UPP2: variants seen among roughly 807,000 people sequenced by gnomAD.
UPP2 encodes UPase 2.
Under a neutral mutation model 26.7 loss-of-function variants are expected in UPP2, and 23 were observed. The ratio of observed to expected loss-of-function variants is 0.86; its 90% CI spans 0.62 to 1.22. UPP2 has a LOEUF of 1.22. Among genes scored for constraint, UPP2 ranks in the 50% most tolerant of loss-of-function variants. The pLI, the probability that UPP2 is intolerant of heterozygous loss-of-function variation, is 0.00. For synonymous variants in UPP2, 127 were observed against 141.3 expected (o/e 0.90, Z 0.72); for missense variants, 387 against 396.7 (o/e 0.98, Z 0.21).
intron 2 of UPP2, among the ~76,000 whole-genome samples, chr2:157,999,022 T>C (rs1683365227): frequency 1.3e-5 from 2 of 152,212 alleles, no homozygotes; most frequent in East Asian, 1.9e-4. Flanking sequence ...TTTTCAGTCA[T>C]TTTTTATCTG....
In UPP2 at chr2:158,115,125, A is replaced by G; in HGVS notation, c.205A>G (p.Asn69Asp). 6.2e-7 allele frequency: 1 copy of G among 1,611,282 alleles called. No individual in the cohort carries two copies. Reference protein sequence around the residue: ...VKFVCVGGSPNRMKAFALFMH... With the variant: ...VKFVCVGGSPDRMKAFALFMH... ...GTTTGTCTGTGTCGGTGGGAGCCCC[A>G]ACAGAATGAAAGCATTTGCACTGTT... The change falls in exon 3 of 7, where the codon AAC (asparagine) becomes GAC (aspartate). Residue 69 changes from asparagine (N) to aspartate (D), a missense_variant. By Grantham distance (23) the Asn-to-Asp change is conservative. Coordinates refer to ENST00000005756, the MANE Select transcript of UPP2 (RefSeq NM_173355.4).
At chr2:158,030,121 G>A (rs1044009154) in intron 3 of UPP2, among the ~76,000 whole-genome samples, 3 of 152,154 alleles carry the variant, frequency 2.0e-5, no homozygotes, top group Non-Finnish European at 4.4e-5. Context: ...AAAAAGTGCT[G>A]TATGTCAAAC....
At chr2:158,096,586 A>G (rs1682989624) in intron 3 of UPP2, among the ~76,000 whole-genome samples, 1 of 151,962 alleles carries the variant, frequency 6.6e-6, no homozygotes, top group Non-Finnish European at 1.5e-5. Flanking sequence ...CTGACAGAGC[A>G]AGACTCTGTC....
At chr2:158,069,839 AG>A (rs1449398241) in intron 3 of UPP2, among the ~76,000 whole-genome samples, 11 of 152,204 alleles carry the variant, frequency 7.2e-5, no homozygotes, top group Admixed American at 5.9e-4. Context: ...GGAGGCTGGA[AG>A]TTTGAGATCA....
chr2:158,055,826 T>G (rs1429520752), intron 3 of UPP2, among the ~76,000 whole-genome samples: 1 of 152,184 alleles, frequency 6.6e-6, no homozygotes, highest in Non-Finnish European at 1.5e-5. Context: ...GCCAGCCATT[T>G]AAGCTTAAAA....
At chr2:158,104,537 T>C (rs1411868622) in intron 1 of UPP2, among the ~76,000 whole-genome samples, 1 of 152,156 alleles carries the variant, frequency 6.6e-6, no homozygotes, top group African/African-American at 2.4e-5. Flanking sequence ...TAAAGCTCCC[T>C]GGTAATTTTA....
chr2:158,063,596 CT>C (rs1299338986), intron 3 of UPP2, among the ~76,000 whole-genome samples: 27 of 63,314 alleles, frequency 4.3e-4, no homozygotes, highest in African/African-American at 2.6e-3. Flanking sequence ...CCACCATTTT[CT>C]TTTCTTTTTT....
intron 3 of UPP2, among the ~76,000 whole-genome samples, chr2:158,073,089 G>C (rs548947905): frequency 6.6e-6 from 1 of 152,230 alleles, no homozygotes; most frequent in East Asian, 1.9e-4. Context: ...AGGTAACAAA[G>C]AGAAGGAATT....
intron 3 of UPP2, among the ~76,000 whole-genome samples, chr2:158,068,525 C>T (rs1170638825): frequency 6.6e-6 from 1 of 151,642 alleles, no homozygotes; most frequent in Non-Finnish European, 1.5e-5. Flanking sequence ...TATTACCTCC[C>T]CCGCTGTTCT....
chr2:158,049,066 G>A (rs370006730), intron 3 of UPP2, among the ~76,000 whole-genome samples: 7 of 152,256 alleles, frequency 4.6e-5, no homozygotes, highest in East Asian at 3.9e-4. Flanking sequence ...CAGACATTCC[G>A]CTTGCCCACC....
chr2:158,133,846 T>A (rs184049326), intron 6 of UPP2: 1 of 152,334 alleles, frequency 6.6e-6, no homozygotes, highest in Admixed American at 6.5e-5. Context: ...AAATCCTTTT[T>A]TAAATGATGC....
At chr2:158,130,020 G>C (rs1558942617) in intron 6 of UPP2, among the ~76,000 whole-genome samples, 1 of 151,980 alleles carries the variant, frequency 6.6e-6, no homozygotes, top group South Asian at 2.1e-4. Context: ...AACTCCTAGG[G>C]TTCAAGCAAT....
intron 3 of UPP2, among the ~76,000 whole-genome samples, chr2:158,079,516 G>A (rs930812065): frequency 6.6e-6 from 1 of 152,092 alleles, no homozygotes. Flanking sequence ...CAGGGGGCTT[G>A]TGATGACAAA....
intron 3 of UPP2, among the ~76,000 whole-genome samples, chr2:158,062,310 T>C (rs1682365116): frequency 6.6e-6 from 1 of 152,202 alleles, no homozygotes; most frequent in Non-Finnish European, 1.5e-5. Context: ...TTGGTTACTT[T>C]AAATTTAAGG....
At chr2:158,093,811 T>C (rs80002923) in intron 3 of UPP2, among the ~76,000 whole-genome samples, 6,215 of 151,908 alleles carry the variant, frequency 0.041, 315 homozygotes, top group Admixed American at 0.16. Context: ...TGTAATACTA[T>C]CTAGTAAAAC....
At chr2:158,013,335 G>A (rs72936806) in intron 2 of UPP2, among the ~76,000 whole-genome samples, 11,569 of 152,178 alleles carry the variant, frequency 0.076, 498 homozygotes, top group Non-Finnish European at 0.097. Flanking sequence ...CATATCCAAC[G>A]TGGACATGAG....
chr2:158,010,359 C>A (rs750583646), intron 2 of UPP2, among the ~76,000 whole-genome samples: 52 of 152,106 alleles, frequency 3.4e-4, no homozygotes, highest in Non-Finnish European at 4.6e-4. Flanking sequence ...ATTTTCCTTT[C>A]CTTATTTTCT....
At chr2:158,052,914 T>C (rs144096454) in intron 3 of UPP2, among the ~76,000 whole-genome samples, 1 of 152,282 alleles carries the variant, frequency 6.6e-6, no homozygotes, top group East Asian at 1.9e-4. Flanking sequence ...TGTGTTCCAA[T>C]AAAACTTTAT....
rs7605839 is a variant in UPP2, at chr2:158,061,399, T to C, written c.148-40641T>C. On this transcript the variant is annotated intron_variant, in intron 3 of 9. Transcript: ENST00000605860. Reference sequence around the variant, plus strand: ...GCTGTAGAGATGAATTAGCCCAAATTAGTGCTCCTAGAAAGAGTGCAAAGA... The same window carrying C: ...GCTGTAGAGATGAATTAGCCCAAATCAGTGCTCCTAGAAAGAGTGCAAAGA... Among the ~76,000 whole-genome samples, 492 of 152,274 alleles carry C rather than the reference T, an allele frequency of 3.2e-3. 3 individuals are homozygous for C. Among genetic ancestry groups the C allele is most frequent in the African/African-American group, 0.011 (470 of 41,552 alleles).
Sources: allele counts gnomAD v4.1 joint callset (sites outside exome capture counted in the v4.1 genomes callset), GRCh38; gene constraint gnomAD v4.1.1; transcripts MANE v1.5; gene names NCBI Gene and HGNC (gene_info 2026-07-23, HGNC 2026-07-21).